Variants in ITPR1 observed in about 807,000 individuals in gnomAD.
ITPR1 encodes inositol 1,4,5-trisphosphate receptor type 1, also known as inositol 1,4,5-trisphosphate-gated calcium channel ITPR1.
A neutral mutation model predicts 318.4 loss-of-function variants in ITPR1; 96 were observed. That is an observed-to-expected ratio of 0.30 (90% confidence interval 0.26 to 0.36). ITPR1 has a LOEUF of 0.36. Ranked by LOEUF, ITPR1 falls within the 10% of genes least tolerant of loss-of-function variation. The pLI is 1.00. For synonymous variants in ITPR1, 1,312 were observed against 1,289.9 expected (o/e 1.02, Z -0.37); for missense variants, 2,440 against 3,460.2 (o/e 0.71, Z 7.40).
chr3:4,661,178 G>A, intron 14 of ITPR1, 91 bp downstream of exon 14: 2 of 700,524 alleles, frequency 2.9e-6, no homozygotes, highest in Non-Finnish European at 5.0e-6. Context: ...ATGGAGCGTG[G>A]AGATTTGTTG....
intron 4 of ITPR1, among the ~76,000 whole-genome samples, chr3:4,524,314 T>G (rs1265580126): frequency 1.1e-4 from 16 of 150,416 alleles, no homozygotes; most frequent in Admixed American, 1.1e-3. Flanking sequence ...TTTTTTTTTT[T>G]TTTTTTTTTT....
At chr3:4,633,018 AACCTCC>A (rs953214658) in intron 5 of ITPR1, among the ~76,000 whole-genome samples, 4 of 136,128 alleles carry the variant, frequency 2.9e-5, no homozygotes, top group African/African-American at 1.1e-4. Flanking sequence ...AGCTCACTGC[AACCTCC>A]ACCTCCCGGG....
chr3:4,656,582 T>A (rs1248937615), intron 12 of ITPR1, among the ~76,000 whole-genome samples: 1 of 152,168 alleles, frequency 6.6e-6, no homozygotes, highest in Non-Finnish European at 1.5e-5. Context: ...AGAACCTTTT[T>A]TAAAAAAACA....
Position 4,627,855 on chromosome 3 carries a change from G to A in ITPR1, c.256G>A (p.Ala86Thr), listed in dbSNP as rs767787371. ...GCCTGGGGCCAACAGCACCACAGAC[G>A]CAGTGCTACTCAACAAACTGCACGT... ...AKPGANSTTD[A>T]VLLNKLHHAA... Residue 86 changes from alanine to threonine, a missense_variant, in exon 5 of 62, where the codon GCA (alanine) becomes ACA (threonine). This residue lies in a region of ITPR1 where 186 missense variants were observed against 323.9 expected (regional missense o/e 0.57). Transcript: ENST00000649015. 71 of 1,612,778 alleles carry A rather than the reference G, an allele frequency of 4.4e-5. No individual in the cohort carries two copies. Among genetic ancestry groups the A allele is most frequent in the East Asian group, 2.5e-4 (11 of 44,886 alleles).
chr3:4,597,499 T>G (rs754875400), intron 4 of ITPR1, among the ~76,000 whole-genome samples: 10 of 152,046 alleles, frequency 6.6e-5, no homozygotes, highest in Non-Finnish European at 1.5e-4. Context: ...AGAAGTATCC[T>G]AAGAGAGGGA....
chr3:4,627,691 CTT>C (rs139104291), intron 4 of ITPR1, 70 bp from the exon 5 acceptor site: 19 of 791,346 alleles, frequency 2.4e-5, no homozygotes, highest in South Asian at 6.5e-5. Flanking sequence ...AGTGGAAAGC[CTT>C]TTTTTTTTCC....
At chr3:4,709,819 T>C (rs2041219860) in intron 37 of ITPR1, among the ~76,000 whole-genome samples, 1 of 152,224 alleles carries the variant, frequency 6.6e-6, no homozygotes, top group Non-Finnish European at 1.5e-5. Flanking sequence ...TTCATGCTCA[T>C]TGAAAATAAA....
At chr3:4,632,762 A>G (rs1038856240) in intron 5 of ITPR1, among the ~76,000 whole-genome samples, 1 of 152,128 alleles carries the variant, frequency 6.6e-6, no homozygotes, top group South Asian at 2.1e-4. Context: ...AGAAAACAGC[A>G]TGGTTGAAAA....
intron 53 of ITPR1, chr3:4,799,689 G>C (rs1163587682): frequency 6.6e-6 from 1 of 152,024 alleles, no homozygotes; most frequent in African/African-American, 2.4e-5. Flanking sequence ...AGCCGTGTTG[G>C]CTCATGTTAT....
intron 5 of ITPR1, among the ~76,000 whole-genome samples, chr3:4,629,751 G>A (rs1473312810): frequency 1.3e-5 from 2 of 152,238 alleles, no homozygotes; most frequent in South Asian, 4.1e-4. Flanking sequence ...GGAGCACATA[G>A]GAAGGGTGCC....
At chr3:4,590,265 TTCTC>T (rs893685855) in intron 4 of ITPR1, among the ~76,000 whole-genome samples, 4 of 151,588 alleles carry the variant, frequency 2.6e-5, no homozygotes, top group Admixed American at 2.6e-4. Context: ...CTCTTTATCT[TTCTC>T]TGTAGAATTT....
chr3:4,508,797 G>T (rs2081584253), intron 2 of ITPR1, among the ~76,000 whole-genome samples: 1 of 152,116 alleles, frequency 6.6e-6, no homozygotes, highest in Non-Finnish European at 1.5e-5. Flanking sequence ...GAAGGCGGGG[G>T]AGTTGAGTTG....
At chr3:4,615,013 G>A (rs964985941) in intron 4 of ITPR1, among the ~76,000 whole-genome samples, 1 of 152,166 alleles carries the variant, frequency 6.6e-6, no homozygotes, top group Non-Finnish European at 1.5e-5. Flanking sequence ...CAAGAATATT[G>A]TATAGCTCAC....
intron 2 of ITPR1, among the ~76,000 whole-genome samples, chr3:4,499,825 A>AG (rs2080884473): frequency 6.6e-6 from 1 of 152,160 alleles, no homozygotes; most frequent in Non-Finnish European, 1.5e-5. Flanking sequence ...TAAATTGAGA[A>AG]GGGGTCTCAC....
intron 4 of ITPR1, among the ~76,000 whole-genome samples, chr3:4,557,039 G>T (rs80151924): frequency 6.6e-6 from 1 of 152,094 alleles, no homozygotes; most frequent in Non-Finnish European, 1.5e-5. Flanking sequence ...TTTACAGCCC[G>T]ATATCACCAA....
intron 36 of ITPR1, among the ~76,000 whole-genome samples, chr3:4,703,880 C>A (rs1327268803): frequency 6.6e-6 from 1 of 152,130 alleles, no homozygotes; most frequent in Non-Finnish European, 1.5e-5. Context: ...AAAATATATA[C>A]ACGACAGGTT....
intron 4 of ITPR1, among the ~76,000 whole-genome samples, chr3:4,542,515 G>A (rs180902546): frequency 2.6e-5 from 4 of 152,118 alleles, no homozygotes; most frequent in Non-Finnish European, 5.9e-5. Context: ...ATGTTAATTA[G>A]GGTGACAAAC....
At position 4,683,808 on chromosome 3, in the gene ITPR1, A is replaced by G. The variant is rs1675006184; in HGVS notation, c.3498+10A>G. The G allele has an allele frequency of 1.2e-6, 2 of 1,611,312 alleles. No individual in the cohort carries two copies. The highest frequency in any genetic ancestry group is 1.7e-6 in the Non-Finnish European group (2 of 1,178,146). ...ACATAAGAAAACGGAGGTGAGTGAA[A>G]CACAAGTTATGCTGCCAAAGTGGAT... On this transcript the variant is annotated intron_variant, in intron 28 of 61. Coordinates refer to ENST00000649015, the MANE Select transcript of ITPR1 (RefSeq NM_001378452.1).
At chr3:4,532,602 C>T (rs2083509045) in intron 4 of ITPR1, among the ~76,000 whole-genome samples, 2 of 152,204 alleles carry the variant, frequency 1.3e-5, no homozygotes, top group Non-Finnish European at 2.9e-5. Flanking sequence ...AACTCCTGGG[C>T]TCAACTGATC....
Sources: allele counts gnomAD v4.1 joint callset (sites outside exome capture counted in the v4.1 genomes callset), GRCh38; gene constraint gnomAD v4.1.1; regional missense constraint gnomAD v4.1.1; transcripts MANE v1.5; gene names NCBI Gene and HGNC (gene_info 2026-07-23, HGNC 2026-07-21).